FGF9: variants seen among roughly 807,000 people sequenced by gnomAD.
The protein encoded by FGF9 is fibroblast growth factor 9, also known as fibroblast growth factor 9 (glia-activating factor).
A neutral mutation model predicts 19.9 loss-of-function variants in FGF9; 3 were observed. The ratio of observed to expected loss-of-function variants is 0.15; its 90% CI spans 0.07 to 0.39. FGF9 has a LOEUF of 0.39. FGF9 is among the 10% of genes least tolerant of loss of function. FGF9 has a pLI of 1.00. For missense variants in FGF9, 175 were observed against 256.8 expected (o/e 0.68, Z 2.18); for synonymous variants, 107 against 106.9 (o/e 1.00, Z -0.01).
intron 2 of FGF9, among the ~76,000 whole-genome samples, chr13:21,689,125 C>T (rs1482629105): frequency 2.6e-5 from 4 of 152,154 alleles, no homozygotes; most frequent in Non-Finnish European, 4.4e-5. Context: ...GTGCAGCTTT[C>T]GCACATGAGC....
At chr13:21,673,053 A>G (rs1871806980) in intron 1 of FGF9, among the ~76,000 whole-genome samples, 1 of 152,098 alleles carries the variant, frequency 6.6e-6, no homozygotes, top group South Asian at 2.1e-4. Flanking sequence ...TGCCCACTTT[A>G]TGCTTGCACA....
chr13:21,688,814 T>A (rs1320659644), intron 2 of FGF9, among the ~76,000 whole-genome samples: 1 of 151,740 alleles, frequency 6.6e-6, no homozygotes, highest in Non-Finnish European at 1.5e-5. Flanking sequence ...TTCCTTAGCA[T>A]CTATACTGCT....
chr13:21,688,428 AT>A (rs1593096053), intron 2 of FGF9, among the ~76,000 whole-genome samples: 1 of 152,232 alleles, frequency 6.6e-6, no homozygotes, highest in African/African-American at 2.4e-5. Context: ...TTTTCAAAGA[AT>A]TGAATAATAA....
intron 1 of FGF9, among the ~76,000 whole-genome samples, chr13:21,675,561 C>G (rs1041269395): frequency 3.3e-5 from 5 of 152,138 alleles, no homozygotes; most frequent in Non-Finnish European, 7.4e-5. Context: ...CGCGCCGCCG[C>G]GGCCTCACCT....
rs200465018 is a variant in FGF9, at chr13:21,672,324, C to T, written c.277+135C>T. 8.8e-5 allele frequency: 87 copies of T among 986,728 alleles called. 1 individual carries two copies. The East Asian group carries it at 2.1e-3, about 24-fold the overall frequency. 61.1% of individuals were successfully genotyped at this position (986,728 alleles called of 1,614,324 possible). A position where few individuals can be genotyped will look rare whatever the true frequency, so the allele number is the denominator to read the frequency against. ...CCTCTTTCTCTGTATCTCTGTCTCT[C>T]TCTCTCTCTGTCTTGCCAGCTCCGA... On this transcript the variant is annotated intron_variant, in intron 1 of 2. Transcript: ENST00000382353. The surrounding 1 kb of genome is among the most constrained non-coding windows in gnomAD (Gnocchi z 4.2).
In FGF9 at chr13:21,672,318, G is replaced by C. The variant is rs909755412; in HGVS notation, c.277+129G>C. On this transcript the variant is annotated intron_variant, in intron 1 of 2. Coordinates refer to ENST00000382353, the MANE Select transcript of FGF9 (RefSeq NM_002010.3). The surrounding 1 kb of genome is among the most constrained non-coding windows in gnomAD (Gnocchi z 4.2). ...TCCTCCCCTCTTTCTCTGTATCTCT[G>C]TCTCTCTCTCTCTCTGTCTTGCCAG... 25 of 989,216 alleles carry C rather than the reference G, an allele frequency of 2.5e-5. No individual in the cohort carries two copies. Among genetic ancestry groups the C allele is most frequent in the South Asian group, 4.1e-5 (3 of 73,918 alleles). The allele number at this position is 989,216 out of a possible 1,614,324, so 61.3% of individuals were successfully genotyped here. A position where few individuals can be genotyped will look rare whatever the true frequency, so the allele number is the denominator to read the frequency against.
chr13:21,681,219 A>G (rs2138134072), intron 2 of FGF9, 74 bp downstream of exon 2: 1 of 1,113,372 alleles, frequency 9.0e-7, no homozygotes, highest in Non-Finnish European at 1.4e-6. Flanking sequence ...TCTGGATTAA[A>G]AAGGGCCAGA....
chr13:21,672,035 A>G lies in FGF9; in HGVS notation c.123A>G (p.Glu41=). 1 of 1,614,220 alleles carries G rather than the reference A, an allele frequency of 6.2e-7. No individual in the cohort carries two copies. ...VLLSDHLGQS[E]AGGLPRGPAV... ...TAAGTGACCACCTGGGTCAGTCCGA[A>G]GCAGGGGGGCTCCCCAGGGGACCCG... is the stretch of plus-strand genomic sequence containing the variant. Residue 41 remains glutamate (E), a synonymous_variant, in exon 1 of 3, where the codon GAA becomes GAG. Coordinates refer to ENST00000382353, the MANE Select transcript of FGF9 (RefSeq NM_002010.3). This position sits in a 1 kb window ranked among gnomAD's most constrained non-coding sequence, Gnocchi z 4.2.
chr13:21,678,643 A>G (rs2138131913), intron 1 of FGF9, among the ~76,000 whole-genome samples: 1 of 152,340 alleles, frequency 6.6e-6, no homozygotes, highest in Non-Finnish European at 1.5e-5. Flanking sequence ...GATGGGCAAC[A>G]CTGGCTAATA....
At chr13:21,675,405 C>T (rs1054374382) in intron 1 of FGF9, among the ~76,000 whole-genome samples, 1 of 152,074 alleles carries the variant, frequency 6.6e-6, no homozygotes, top group Admixed American at 6.5e-5. Flanking sequence ...AGCCTCCTAC[C>T]CTCGCCTTCC....
chr13:21,695,428 A>T (rs1565953365), intron 2 of FGF9, among the ~76,000 whole-genome samples: 1 of 151,842 alleles, frequency 6.6e-6, no homozygotes, highest in Non-Finnish European at 1.5e-5. Flanking sequence ...AATACTGGGG[A>T]ATTTAGAGGT....
intron 2 of FGF9, among the ~76,000 whole-genome samples, chr13:21,694,423 T>C (rs1413533885): frequency 6.6e-6 from 1 of 152,188 alleles, no homozygotes; most frequent in African/African-American, 2.4e-5. Context: ...ACAAAGTAGA[T>C]GTAGTCAATT....
chr13:21,673,661 CT>C (rs1871827342), intron 1 of FGF9, among the ~76,000 whole-genome samples: 1 of 152,130 alleles, frequency 6.6e-6, no homozygotes, highest in South Asian at 2.1e-4. Context: ...GCCACCCTGC[CT>C]AGCGTTCGAT....
chr13:21,683,233 A>C (rs1430721644), intron 2 of FGF9, among the ~76,000 whole-genome samples: 1 of 152,168 alleles, frequency 6.6e-6, no homozygotes, highest in East Asian at 1.9e-4. Flanking sequence ...TGCTGGTAGG[A>C]TTGTTGCCCA....
At position 21,701,646 on chromosome 13, in the gene FGF9, A is replaced by G; in HGVS notation, c.*211A>G. 1.7e-6 allele frequency: 1 copy of G among 581,940 alleles called. No homozygotes were observed. The highest frequency in any genetic ancestry group is 3.0e-6 in the Non-Finnish European group (1 of 331,918). The allele number at this position is 581,940 out of a possible 1,614,324, so 36.0% of individuals were successfully genotyped here. A position where few individuals can be genotyped will look rare whatever the true frequency, so the allele number is the denominator to read the frequency against. On this transcript the variant is annotated 3_prime_UTR_variant, in exon 3 of 3. Transcript: ENST00000382353. ...TCCTCCTGGAGGGCTGCCTAGGGCC[A>G]CTTGCTTGATTTATCATGAGAGAAG... is the stretch of plus-strand genomic sequence containing the variant.
intron 2 of FGF9, among the ~76,000 whole-genome samples, chr13:21,681,407 T>G (rs1434805715): frequency 1.3e-5 from 2 of 152,214 alleles, no homozygotes; most frequent in Non-Finnish European, 2.9e-5. Context: ...AATTTACAAG[T>G]GTGAAAAATC....
intron 1 of FGF9, chr13:21,674,234 G>C (rs1871845833): frequency 6.6e-6 from 1 of 152,162 alleles, no homozygotes; most frequent in Non-Finnish European, 1.5e-5. Flanking sequence ...GAGCTCCCCT[G>C]TCCCATTCCG....
intron 2 of FGF9, among the ~76,000 whole-genome samples, chr13:21,690,905 C>T (rs1388281638): frequency 2.6e-5 from 4 of 152,162 alleles, no homozygotes; most frequent in East Asian, 1.9e-4. Flanking sequence ...GGCTGTAATG[C>T]GGCTTAAGGA....
At chr13:21,673,612 TACTAA>T (rs1484230545) in intron 1 of FGF9, among the ~76,000 whole-genome samples, 2 of 152,218 alleles carry the variant, frequency 1.3e-5, no homozygotes, top group African/African-American at 2.4e-5. Context: ...GACTAAACTT[TACTAA>T]AAGTGCCGTT....
Sources: gnomAD v4.1 joint callset for allele counts (sites outside exome capture counted in the v4.1 genomes callset) on GRCh38, gnomAD v4.1.1 for gene constraint, Gnocchi (gnomAD v3.1) non-coding constraint, MANE v1.5 for transcripts, NCBI Gene and HGNC (gene_info 2026-07-23, HGNC 2026-07-21) for gene names.